Variants in XIRP2 observed in about 807,000 individuals in gnomAD.
XIRP2 encodes the protein xin actin-binding repeat-containing protein 2.
Under a neutral mutation model 277.0 loss-of-function variants are expected in XIRP2, and 236 were observed. The observed-to-expected ratio is 0.85, with a 90% CI of 0.77 to 0.95. The LOEUF is 0.95. Among genes scored for constraint, XIRP2 ranks in the 40% least tolerant of loss-of-function variants. The probability of loss-of-function intolerance (pLI) is 0.00; values close to 1 mark genes in which losing one functional copy is unlikely to be tolerated. For missense variants in XIRP2, 4,640 were observed against 4,157.5 expected (o/e 1.12, Z -3.19); for synonymous variants, 1,490 against 1,416.5 (o/e 1.05, Z -1.17).
At chr2:167,064,389 A>G (rs1689250328) in intron 2 of XIRP2, among the ~76,000 whole-genome samples, 1 of 151,840 alleles carries the variant, frequency 6.6e-6, no homozygotes, top group Non-Finnish European at 1.5e-5. Flanking sequence ...GCATACTTCT[A>G]TTTATTTAAT....
At chr2:166,896,362 C>T (rs997115850) in intron 1 of XIRP2, among the ~76,000 whole-genome samples, 3 of 151,930 alleles carry the variant, frequency 2.0e-5, no homozygotes, top group African/African-American at 7.3e-5. Context: ...TGTTCATGCC[C>T]CTGAAAACCT....
At chr2:166,888,895 TAGTC>T (rs748082843) in intron 1 of XIRP2, among the ~76,000 whole-genome samples, 53 of 152,312 alleles carry the variant, frequency 3.5e-4, no homozygotes, top group Non-Finnish European at 5.6e-4. Context: ...CACTGAAAGA[TAGTC>T]AGGGACTTCT....
At chr2:167,134,887 A>G (rs1691498066) in intron 2 of XIRP2, among the ~76,000 whole-genome samples, 1 of 152,158 alleles carries the variant, frequency 6.6e-6, no homozygotes, top group South Asian at 2.1e-4. Context: ...AGTATGGACA[A>G]ACAAACTGAT....
At chr2:166,988,202 A>G (rs569642380) in intron 2 of XIRP2, among the ~76,000 whole-genome samples, 1 of 152,280 alleles carries the variant, frequency 6.6e-6, no homozygotes, top group East Asian at 1.9e-4. Flanking sequence ...ATCTAACATT[A>G]CCTCTGTTGT....
At chr2:167,207,822 C>G (rs146856343) in intron 3 of XIRP2, among the ~76,000 whole-genome samples, 97 of 152,020 alleles carry the variant, frequency 6.4e-4, no homozygotes, top group African/African-American at 2.2e-3. Context: ...CCTCAAAACC[C>G]TTAAAAAAGA....
At chr2:167,228,371 A>G (rs1411054353) in intron 5 of XIRP2, among the ~76,000 whole-genome samples, 1 of 151,888 alleles carries the variant, frequency 6.6e-6, no homozygotes. Flanking sequence ...AGAGGGATTG[A>G]CTCCTCCTTC....
chr2:167,001,503 T>C (rs1687370099), intron 2 of XIRP2, among the ~76,000 whole-genome samples: 1 of 152,146 alleles, frequency 6.6e-6, no homozygotes, highest in African/African-American at 2.4e-5. Context: ...TCTGAACATA[T>C]TAGTGTAAAA....
At chr2:167,203,377 G>A (rs1160366489) in intron 3 of XIRP2, among the ~76,000 whole-genome samples, 1 of 152,110 alleles carries the variant, frequency 6.6e-6, no homozygotes, top group Non-Finnish European at 1.5e-5. Flanking sequence ...ATCTTCTTTT[G>A]TTAATGTATA....
intron 2 of XIRP2, among the ~76,000 whole-genome samples, chr2:167,019,265 G>A (rs1687918357): frequency 6.6e-6 from 1 of 151,766 alleles, no homozygotes; most frequent in Admixed American, 6.6e-5. Context: ...AAATCTAAGA[G>A]TCAATTATAC....
intron 2 of XIRP2, among the ~76,000 whole-genome samples, chr2:167,082,331 A>G (rs924252710): frequency 2.6e-5 from 4 of 151,998 alleles, no homozygotes; most frequent in Non-Finnish European, 5.9e-5. Context: ...ACATTTTCTT[A>G]ATCCGGTCTA....
intron 2 of XIRP2, among the ~76,000 whole-genome samples, chr2:167,126,714 G>A (rs1240976609): frequency 1.3e-5 from 2 of 152,080 alleles, no homozygotes; most frequent in African/African-American, 2.4e-5. Flanking sequence ...GAAAAACCAT[G>A]GGGGCTGACA....
chr2:167,147,489 G>A (rs1191666168), intron 3 of XIRP2, among the ~76,000 whole-genome samples: 1 of 152,166 alleles, frequency 6.6e-6, no homozygotes, highest in Non-Finnish European at 1.5e-5. Flanking sequence ...CTCTGGGAGA[G>A]CAAATGGAGA....
chr2:167,241,630 A>C, intron 7 of XIRP2, 147 bp from the exon 8 acceptor site: 1 of 827,270 alleles, frequency 1.2e-6, no homozygotes, highest in East Asian at 3.0e-5. Context: ...GGCTGGTCTC[A>C]CACCCTTGGG....
chr2:167,144,108 A>T (rs1048855337), intron 3 of XIRP2, among the ~76,000 whole-genome samples: 1 of 152,080 alleles, frequency 6.6e-6, no homozygotes, highest in Admixed American at 6.5e-5. Flanking sequence ...GTAGTTTCAC[A>T]TGCCCTTTAA....
In XIRP2 at chr2:167,204,715, T is replaced by C. The variant is rs568185613; in HGVS notation, c.563-6020T>C. The stretch of plus-strand genomic sequence containing the variant: ...AAGTTCTTTATCCATTATTCAATAT[T>C]AACATTTTTTTCTGGCCCATCAGTG... On this transcript the variant is annotated intron_variant, in intron 3 of 10. Transcript: ENST00000409195. 6.6e-5 allele frequency among the ~76,000 whole-genome samples: 10 copies of C among 152,330 alleles called. No individual in the cohort carries two copies. The South Asian group carries it at 2.1e-3, about 32-fold the overall frequency.
chr2:167,014,089 A>G (rs1574163482), intron 2 of XIRP2, among the ~76,000 whole-genome samples: 1 of 151,748 alleles, frequency 6.6e-6, no homozygotes. Flanking sequence ...TGCTATTTGC[A>G]TAGAAATAAT....
intron 2 of XIRP2, among the ~76,000 whole-genome samples, chr2:167,037,841 C>A (rs1171423165): frequency 6.6e-6 from 1 of 151,666 alleles, no homozygotes; most frequent in Non-Finnish European, 1.5e-5. Flanking sequence ...ATAGGCTAAA[C>A]CTGCAATTAT....
At chr2:166,918,126 T>G (rs1252531563) in intron 2 of XIRP2, among the ~76,000 whole-genome samples, 2 of 152,242 alleles carry the variant, frequency 1.3e-5, no homozygotes, top group African/African-American at 4.8e-5. Context: ...GTCTGATTAC[T>G]GGTGATACTG....
At chr2:166,917,695 T>C (rs1397921217) in intron 2 of XIRP2, among the ~76,000 whole-genome samples, 3 of 152,152 alleles carry the variant, frequency 2.0e-5, no homozygotes, top group Non-Finnish European at 4.4e-5. Flanking sequence ...GGAAAACTGC[T>C]GTCAGCTCAT....
Sources: allele counts gnomAD v4.1 joint callset (sites outside exome capture counted in the v4.1 genomes callset), GRCh38; gene constraint gnomAD v4.1.1; transcripts MANE v1.5; gene names NCBI Gene and HGNC (gene_info 2026-07-23, HGNC 2026-07-21).